RNF216: variants seen among roughly 807,000 people sequenced by gnomAD.
The protein encoded by RNF216 is ring finger protein 216.
Under a neutral mutation model 110.8 loss-of-function variants are expected in RNF216, and 72 were observed. The observed-to-expected ratio is 0.65, with a 90% CI of 0.54 to 0.79. RNF216 has a LOEUF of 0.79. Ranked by LOEUF, RNF216 falls within the 30% of genes least tolerant of loss-of-function variation. The pLI is 0.00. For synonymous variants in RNF216, 495 were observed against 407.5 expected (o/e 1.21, Z -2.59); for missense variants, 1,342 against 1,141.2 (o/e 1.18, Z -2.54).
intron 13 of RNF216, among the ~76,000 whole-genome samples, chr7:5,678,648 A>G (rs1019249287): frequency 2.5e-4 from 38 of 152,202 alleles, no homozygotes; most frequent in African/African-American, 8.9e-4. Context: ...ACAAATATCA[A>G]CTGCTGCTCT....
chr7:5,645,056 C>T (rs1787974875), intron 14 of RNF216, among the ~76,000 whole-genome samples: 1 of 152,006 alleles, frequency 6.6e-6, no homozygotes, highest in Non-Finnish European at 1.5e-5. Flanking sequence ...ATCTCGTGAT[C>T]CACCTGCCTC....
rs377284123 is a variant in RNF216, at chr7:5,712,022, A to G, written c.1983-183T>C. The G allele has an allele frequency of 3.4e-4, 203 of 592,290 alleles. 5 individuals carry two copies. Among genetic ancestry groups the G allele is most frequent in the South Asian group, 2.6e-3 (122 of 46,994 alleles). The allele number at this position is 592,290 out of a possible 1,614,324, so 36.7% of individuals were successfully genotyped here. The stretch of plus-strand genomic sequence containing the variant: ...TTCTTTGTGCTGGCTCTTATCAGGA[A>G]ACATAAGCACCACATGAGGTCCTGA... On this transcript the variant is annotated intron_variant, in intron 12 of 16. Transcript: ENST00000389902.
rs533830986 is a variant in RNF216 at position 5,747,338 on chromosome 7, G to A, written c.201+5508C>T. On this transcript the variant is annotated intron_variant, in intron 3 of 16. Transcript: ENST00000389902. ...GACTTATTACCAGCTAACACATGGT[G>A]GGACCAGGGGAAGGAGAGGGAGTAA... Among the ~76,000 whole-genome samples the A allele has an allele frequency of 5.2e-4, 79 of 152,286 alleles. 1 individual carries two copies. The South Asian group carries it at 0.016, about 30-fold the overall frequency.
At chr7:5,669,753 A>G (rs1311237182) in intron 13 of RNF216, among the ~76,000 whole-genome samples, 1 of 152,116 alleles carries the variant, frequency 6.6e-6, no homozygotes, top group Non-Finnish European at 1.5e-5. Context: ...TTAGTCCGAC[A>G]TGGTGTTGTG....
In RNF216 at chr7:5,752,876, C is replaced by G. The variant is rs758486915; in HGVS notation, c.171G>C (p.Glu57Asp). ...VTPAPQQHEE[E>D]DLDDDVILTE... The stretch of plus-strand genomic sequence containing the variant: ...TCAGGATGACATCATCATCCAGGTC[C>G]TCTTCTTCATGCTGCTGAGGAGCTG... Residue 57 changes from glutamate (E) to aspartate (D), a missense_variant, in exon 3 of 17, where the codon GAG becomes GAC. Physicochemically the swap from Glu to Asp is conservative, Grantham distance 45. Coordinates refer to ENST00000389902, the MANE Select transcript of RNF216 (RefSeq NM_207111.4). 25 of 1,612,460 alleles carry G rather than the reference C, an allele frequency of 1.6e-5. No individual in the cohort carries two copies. The African/African-American group carries it at 2.9e-4, about 19-fold the overall frequency.
chr7:5,715,888 C>T (rs945235616), intron 10 of RNF216, among the ~76,000 whole-genome samples: 2 of 151,690 alleles, frequency 1.3e-5, no homozygotes, highest in Non-Finnish European at 2.9e-5. Flanking sequence ...ATTACAGGCA[C>T]CCGCCACTAT....
Position 5,623,036 on chromosome 7 carries a change from G to C in RNF216, c.2596C>G (p.Leu866Val). The C allele has an allele frequency of 6.2e-7, 1 of 1,614,046 alleles. No individual in the cohort carries two copies. The highest frequency in any genetic ancestry group is 8.5e-7 in the Non-Finnish European group (1 of 1,179,942). ...PYAFAHPPFP[L>V]PPVRPVFNNF... ...TTGAACACAGGCCGCACGGGAGGCAGGGGGAAGGGTGGGTGCGCGAAGGCA... is the reference window on the plus strand; with the variant it reads ...TTGAACACAGGCCGCACGGGAGGCACGGGGAAGGGTGGGTGCGCGAAGGCA... Residue 866 changes from leucine (L) to valine (V), a missense_variant, in exon 17 of 17, where the codon CTG becomes GTG. By Grantham distance (32) the Leu-to-Val change is conservative. Coordinates refer to ENST00000389902, the MANE Select transcript of RNF216 (RefSeq NM_207111.4).
intron 1 of RNF216, among the ~76,000 whole-genome samples, chr7:5,779,290 T>TAA (rs1444862097): frequency 1.3e-5 from 2 of 152,166 alleles, no homozygotes; most frequent in Non-Finnish European, 2.9e-5. Context: ...AGTTCTCTTT[T>TAA]ATTAGCTGCT....
At chr7:5,644,725 A>C (rs1217556555) in intron 14 of RNF216, among the ~76,000 whole-genome samples, 1 of 151,990 alleles carries the variant, frequency 6.6e-6, no homozygotes, top group Non-Finnish European at 1.5e-5. Context: ...GGCTGGTCTT[A>C]AACTCCTGGG....
At chr7:5,729,363 G>C (rs1278119772) in intron 7 of RNF216, 69 bp downstream of exon 7, 2 of 1,499,790 alleles carry the variant, frequency 1.3e-6, no homozygotes, top group African/African-American at 2.8e-5. Context: ...AAGCTGAACT[G>C]TTCATTCTGT....
chr7:5,741,875 T>A, intron 3 of RNF216, 60 bp from the exon 4 acceptor site: 1 of 1,520,028 alleles, frequency 6.6e-7, no homozygotes, highest in Non-Finnish European at 8.8e-7. Context: ...CCTCCTTATG[T>A]ACTTATATTG....
chr7:5,723,738 G>A lies in RNF216; in HGVS notation c.1504+1586C>T, dbSNP rs4720637. Among the ~76,000 whole-genome samples, 799 of 152,280 alleles carry A rather than the reference G, an allele frequency of 5.2e-3. 5 individuals are homozygous for A. Among genetic ancestry groups the A allele is most frequent in the Middle Eastern group, 6.8e-3 (2 of 294 alleles). ...ATGACCATAAAAAGGACAGAGGAGG[G>A]AGAACCGTGTCTCACTCTTTGAGTC... On this transcript the variant is annotated intron_variant, in intron 8 of 16. Coordinates refer to ENST00000389902, the MANE Select transcript of RNF216 (RefSeq NM_207111.4).
At chr7:5,749,371 G>A (rs147990487) in intron 3 of RNF216, among the ~76,000 whole-genome samples, 4,133 of 152,064 alleles carry the variant, frequency 0.027, 66 homozygotes, top group African/African-American at 0.034. Context: ...GGCTGGTCTC[G>A]AACTCCTGAC....
chr7:5,645,565 G>A (rs1429386277), intron 14 of RNF216, among the ~76,000 whole-genome samples: 4 of 151,632 alleles, frequency 2.6e-5, no homozygotes. Flanking sequence ...GTAATTTTGG[G>A]GTACAGAATT....
chr7:5,735,512 A>G (rs1425189660), intron 5 of RNF216, among the ~76,000 whole-genome samples: 4 of 152,232 alleles, frequency 2.6e-5, no homozygotes, highest in African/African-American at 9.6e-5. Flanking sequence ...TAAAAGCTAA[A>G]ATTTCATAAC....
intron 15 of RNF216, among the ~76,000 whole-genome samples, chr7:5,638,633 A>AT (rs34089106): frequency 0.52 from 72,899 of 139,272 alleles, 18,957 homozygotes; most frequent in East Asian, 0.85. Context: ...AAAAGCAAGC[A>AT]TTTTTTTTTT....
intron 1 of RNF216, among the ~76,000 whole-genome samples, chr7:5,776,952 G>T (rs28706472): frequency 0.039 from 2,044 of 51,888 alleles, 44 homozygotes; most frequent in African/African-American, 0.12. Flanking sequence ...GAGAAAAAAA[G>T]AAAGAAAGAA....
intron 5 of RNF216, among the ~76,000 whole-genome samples, chr7:5,732,112 A>C (rs1385126352): frequency 6.6e-6 from 1 of 152,206 alleles, no homozygotes; most frequent in Non-Finnish European, 1.5e-5. Flanking sequence ...AAAAAGCAGC[A>C]AACTCCTCCT....
At chr7:5,704,576 A>C (rs1431493907) in intron 13 of RNF216, among the ~76,000 whole-genome samples, 1 of 152,222 alleles carries the variant, frequency 6.6e-6, no homozygotes, top group Non-Finnish European at 1.5e-5. Context: ...TCTGCTTACA[A>C]AACAGTGTTT....
Sources: allele counts gnomAD v4.1 joint callset (sites outside exome capture counted in the v4.1 genomes callset), GRCh38; gene constraint gnomAD v4.1.1; transcripts MANE v1.5; gene names NCBI Gene and HGNC (gene_info 2026-07-23, HGNC 2026-07-21).